Variants in ZC3H12C observed in about 807,000 individuals in gnomAD.
ZC3H12C encodes the protein probable ribonuclease ZC3H12C.
A neutral mutation model predicts 76.3 loss-of-function variants in ZC3H12C; 20 were observed. That is an observed-to-expected ratio of 0.26 (90% confidence interval 0.18 to 0.38). The LOEUF is 0.38. Ranked by LOEUF, ZC3H12C falls within the 10% of genes least tolerant of loss-of-function variation. The probability of loss-of-function intolerance (pLI) is 1.00; values close to 1 mark genes in which losing one functional copy is unlikely to be tolerated. For synonymous variants in ZC3H12C, 352 were observed against 399.6 expected, an observed-to-expected ratio of 0.88 and a Z score of 1.42; for missense variants, 874 against 1,086.5, an observed-to-expected ratio of 0.80 and a Z score of 2.75.
At chr11:110,112,785 A>G (rs1298508587) in intron 1 of ZC3H12C, among the ~76,000 whole-genome samples, 1 of 152,210 alleles carries the variant, frequency 6.6e-6, no homozygotes, top group Non-Finnish European at 1.5e-5. Flanking sequence ...TTGGCAGAGA[A>G]TTATGGGATG....
chr11:110,149,827 A>T (rs1862238934), intron 2 of ZC3H12C, among the ~76,000 whole-genome samples: 2 of 151,988 alleles, frequency 1.3e-5, no homozygotes, highest in South Asian at 4.1e-4. Flanking sequence ...CAAAGCTATG[A>T]CCTGTTTTTT....
At chr11:110,118,843 G>C (rs1199942924) in intron 1 of ZC3H12C, among the ~76,000 whole-genome samples, 2 of 151,450 alleles carry the variant, frequency 1.3e-5, no homozygotes, top group Non-Finnish European at 2.9e-5. Context: ...AAATATATAA[G>C]TTCCCCGTAA....
intron 1 of ZC3H12C, among the ~76,000 whole-genome samples, chr11:110,124,449 G>A (rs1426960743): frequency 1.3e-5 from 2 of 152,252 alleles, no homozygotes; most frequent in African/African-American, 4.8e-5. Context: ...ATGGGAGAAT[G>A]AATGGTTCTG....
chr11:110,124,755 A>G (rs2134165527), intron 1 of ZC3H12C, among the ~76,000 whole-genome samples: 1 of 152,196 alleles, frequency 6.6e-6, no homozygotes, highest in African/African-American at 2.4e-5. Flanking sequence ...CCCCGTTTGT[A>G]GATGGAGCCT....
At chr11:110,138,861 C>A (rs1784165229) in intron 2 of ZC3H12C, among the ~76,000 whole-genome samples, 1 of 152,110 alleles carries the variant, frequency 6.6e-6, no homozygotes, top group Non-Finnish European at 1.5e-5. Flanking sequence ...TCCTGGCCTG[C>A]ATTATTCTTT....
chr11:110,160,015 A>C (rs1486204752), intron 4 of ZC3H12C, among the ~76,000 whole-genome samples: 1 of 152,280 alleles, frequency 6.6e-6, no homozygotes, highest in Non-Finnish European at 1.5e-5. Flanking sequence ...CTTCCAGGCT[A>C]CCAACTTGTA....
At chr11:110,097,348 C>G (rs901081347) in intron 1 of ZC3H12C, among the ~76,000 whole-genome samples, 3 of 152,194 alleles carry the variant, frequency 2.0e-5, no homozygotes, top group Non-Finnish European at 4.4e-5. Context: ...TATCACATAT[C>G]TTAGGGTGGA....
rs5794671 is a variant in ZC3H12C at position 110,154,834 on chromosome 11, TA to T, written c.913+1794del. On this transcript the variant is annotated intron_variant, in intron 3 of 5. Transcript: ENST00000278590. ...ATACAAAGAGCTCATACAGCTTGAT[TA>T]AAAAAAAAAAAAAAAAACTTCTTTC... 7.3e-3 allele frequency among the ~76,000 whole-genome samples: 509 copies of T among 69,830 alleles called. 3 individuals are homozygous for T. The highest frequency in any genetic ancestry group is 0.013 in the Admixed American group (67 of 5,050). The allele number at this position is 69,830 out of a possible 152,430, so 45.8% of individuals were successfully genotyped here. A position where few individuals can be genotyped will look rare whatever the true frequency, so the allele number is the denominator to read the frequency against.
intron 1 of ZC3H12C, among the ~76,000 whole-genome samples, chr11:110,114,334 T>C (rs140744628): frequency 6.6e-6 from 1 of 152,332 alleles, no homozygotes; most frequent in East Asian, 1.9e-4. Flanking sequence ...CTCAGAGGCT[T>C]CCCAAATCTG....
chr11:110,151,711 C>T (rs112459181), intron 2 of ZC3H12C, among the ~76,000 whole-genome samples: 2 of 152,244 alleles, frequency 1.3e-5, no homozygotes, highest in Non-Finnish European at 2.9e-5. Flanking sequence ...ACCTCAAAAT[C>T]TCCCTTTCCT....
chr11:110,111,840 G>C (rs1256553579), intron 1 of ZC3H12C, among the ~76,000 whole-genome samples: 1 of 151,558 alleles, frequency 6.6e-6, no homozygotes, highest in African/African-American at 2.4e-5. Flanking sequence ...ACTGTACCTG[G>C]CCCCCAGTAG....
At chr11:110,099,468 T>C (rs1861173328) in intron 1 of ZC3H12C, among the ~76,000 whole-genome samples, 1 of 152,136 alleles carries the variant, frequency 6.6e-6, no homozygotes, top group South Asian at 2.1e-4. Flanking sequence ...TTTTAAATTA[T>C]TAAGGGAGTA....
At chr11:110,149,372 A>T (rs1034188053) in intron 2 of ZC3H12C, among the ~76,000 whole-genome samples, 1 of 152,178 alleles carries the variant, frequency 6.6e-6, no homozygotes, top group Non-Finnish European at 1.5e-5. Flanking sequence ...GCAGTTGCCA[A>T]TTGTATTGAA....
At chr11:110,163,503 T>C in intron 5 of ZC3H12C, 124 bp downstream of exon 5, 1 of 671,030 alleles carries the variant, frequency 1.5e-6, no homozygotes, top group Admixed American at 3.5e-5. Context: ...GGATTCCAGA[T>C]AAATTTCAGA....
rs1395516659 is a variant in ZC3H12C, at chr11:110,125,931, G to T, written c.22-10732G>T. ...GAGATAGTCTAGAAGCTCTGCAAAT[G>T]AAACCCGGGGTTTAGTCCTCATCTC... On this transcript the variant is annotated intron_variant, in intron 1 of 5. Coordinates refer to ENST00000278590, the MANE Select transcript of ZC3H12C (RefSeq NM_033390.2). Among the ~76,000 whole-genome samples, 3 of 152,104 alleles carry T rather than the reference G, an allele frequency of 2.0e-5. No homozygotes were observed. The East Asian group carries it at 5.8e-4, about 29-fold the overall frequency.
At chr11:110,134,917 A>C (rs1388420787) in intron 1 of ZC3H12C, among the ~76,000 whole-genome samples, 3 of 152,210 alleles carry the variant, frequency 2.0e-5, no homozygotes, top group Non-Finnish European at 2.9e-5. Context: ...TATTTACCAT[A>C]GTTAATAAAA....
intron 1 of ZC3H12C, among the ~76,000 whole-genome samples, chr11:110,095,599 C>G (rs1227611601): frequency 6.6e-6 from 1 of 152,212 alleles, no homozygotes; most frequent in African/African-American, 2.4e-5. Flanking sequence ...TATTATCACT[C>G]TAGCTGCTGT....
rs143466304 is a variant in ZC3H12C at position 110,169,339 on chromosome 11, G to GGTGTGTGTGTGTGTGTGT, written c.*3627_*3644dup. On this transcript the variant is annotated 3_prime_UTR_variant, in exon 6 of 6. Coordinates refer to ENST00000278590, the MANE Select transcript of ZC3H12C (RefSeq NM_033390.2). ...TGTGACAGGTGGGAGGATGGCTCTG[G>GGTGTGTGTGTGTGTGTGT]GTGTGTGTGTGTGTGTGTGTGTGTG... The GGTGTGTGTGTGTGTGTGT allele has an allele frequency of 2.7e-5, 4 of 146,364 alleles. No individual in the cohort carries two copies. Among genetic ancestry groups the GGTGTGTGTGTGTGTGTGT allele is most frequent in the African/African-American group, 1.0e-4 (4 of 39,550 alleles). The allele number at this position is 146,364 out of a possible 1,614,324, so 9.1% of individuals were successfully genotyped here. A position where few individuals can be genotyped will look rare whatever the true frequency, so the allele number is the denominator to read the frequency against.
At chr11:110,155,338 C>T (rs962358712) in intron 3 of ZC3H12C, among the ~76,000 whole-genome samples, 141 of 151,826 alleles carry the variant, frequency 9.3e-4, no homozygotes, top group Non-Finnish European at 1.2e-3. Flanking sequence ...AAACTGATAG[C>T]ATTCAGTGCC....
Sources: allele counts gnomAD v4.1 joint callset (sites outside exome capture counted in the v4.1 genomes callset), GRCh38; gene constraint gnomAD v4.1.1; transcripts MANE v1.5; gene names NCBI Gene and HGNC (gene_info 2026-07-23, HGNC 2026-07-21).